Variants in ARB2A observed in about 807,000 individuals in gnomAD.
ARB2A encodes ARB2 cotranscriptional regulator A, also known as cotranscriptional regulator ARB2A.
chr5:93,999,623 C>T, the ARB2A span, among the ~76,000 whole-genome samples: 1 of 151,938 alleles, frequency 6.6e-6, no homozygotes, highest in African/African-American at 2.4e-5. Context: ...TCAACAGCCT[C>T]CTCCAGAGTG....
the ARB2A span, among the ~76,000 whole-genome samples, chr5:93,801,714 T>C: frequency 2.0e-5 from 3 of 152,012 alleles, no homozygotes; most frequent in Admixed American, 1.3e-4. Flanking sequence ...ATGTCTTTAA[T>C]GTTTCAGGCA....
chr5:93,958,038 A>G, the ARB2A span, among the ~76,000 whole-genome samples: 9 of 152,160 alleles, frequency 5.9e-5, no homozygotes, highest in South Asian at 1.9e-3. Flanking sequence ...TCACTATGGA[A>G]CTTATGAATG....
chr5:93,637,896 G>C, the ARB2A span, among the ~76,000 whole-genome samples: 1 of 152,152 alleles, frequency 6.6e-6, no homozygotes, highest in African/African-American at 2.4e-5. Flanking sequence ...GGACTGTATT[G>C]CATCAGCTTG....
At chr5:93,776,350 A>G in the ARB2A span, 1 of 744,884 alleles carries the variant, frequency 1.3e-6, no homozygotes, top group Non-Finnish European at 2.1e-6. Context: ...AGTGTATTCA[A>G]TTTATTTTCC....
the ARB2A span, chr5:93,805,860 T>C: frequency 1.0e-6 from 1 of 985,162 alleles, no homozygotes; most frequent in Non-Finnish European, 1.2e-6. Flanking sequence ...CAATGGTTCT[T>C]CCACATAGCT....
At chr5:94,051,408 G>A in the ARB2A span, among the ~76,000 whole-genome samples, 3 of 152,216 alleles carry the variant, frequency 2.0e-5, no homozygotes, top group Non-Finnish European at 4.4e-5. Context: ...CCAGAGAGAA[G>A]CAGTGAGCTA....
At chr5:94,109,192 G>C in the ARB2A span, among the ~76,000 whole-genome samples, 2,298 of 152,260 alleles carry the variant, frequency 0.015, 57 homozygotes, top group African/African-American at 0.052. Flanking sequence ...AGGTCAAATA[G>C]TGCATGATTC....
At chr5:93,842,037 G>A in the ARB2A span, among the ~76,000 whole-genome samples, 1 of 152,090 alleles carries the variant, frequency 6.6e-6, no homozygotes, top group African/African-American at 2.4e-5. Context: ...ATACAGCTAA[G>A]AGAAAGAAGC....
the ARB2A span, among the ~76,000 whole-genome samples, chr5:93,872,752 C>A: frequency 6.6e-6 from 1 of 151,806 alleles, no homozygotes; most frequent in African/African-American, 2.4e-5. Context: ...CCCGTCTCTA[C>A]TAAAAATACA....
chr5:93,910,721 T>C, the ARB2A span: 1 of 151,430 alleles, frequency 6.6e-6, no homozygotes, highest in African/African-American at 2.4e-5. Flanking sequence ...GCAATCATAA[T>C]TGTCAAGGCA....
chr5:93,640,493 A>G, the ARB2A span, among the ~76,000 whole-genome samples: 12 of 151,926 alleles, frequency 7.9e-5, no homozygotes, highest in African/African-American at 2.9e-4. Context: ...TTATGGATAC[A>G]TGGATACTGA....
the ARB2A span, among the ~76,000 whole-genome samples, chr5:93,639,798 G>A: frequency 6.6e-6 from 1 of 152,114 alleles, no homozygotes; most frequent in Non-Finnish European, 1.5e-5. Context: ...TGTAATCCCA[G>A]CACTTTGGGA....
chr5:93,982,012 A>G, the ARB2A span, among the ~76,000 whole-genome samples: 1 of 152,130 alleles, frequency 6.6e-6, no homozygotes, highest in East Asian at 1.9e-4. Context: ...TTACCTAGTC[A>G]CTTCACATTG....
chr5:94,042,506 C>T, the ARB2A span, among the ~76,000 whole-genome samples: 56 of 151,892 alleles, frequency 3.7e-4, 1 homozygote, highest in African/African-American at 1.4e-3. Context: ...GGGTTTTCAC[C>T]GTGTTAGCCA....
chr5:93,812,265 T>A, the ARB2A span, among the ~76,000 whole-genome samples: 4 of 152,104 alleles, frequency 2.6e-5, no homozygotes, highest in Non-Finnish European at 5.9e-5. Context: ...AAACTTTCAT[T>A]ACACTATCAA....
At chr5:93,824,160 A>C in the ARB2A span, 2 of 1,587,444 alleles carry the variant, frequency 1.3e-6, no homozygotes, top group Non-Finnish European at 1.7e-6. Flanking sequence ...GTTCAACAAA[A>C]GCAAGTCCTC....
chr5:93,841,171 A>G, the ARB2A span, among the ~76,000 whole-genome samples: 2 of 152,298 alleles, frequency 1.3e-5, no homozygotes, highest in East Asian at 3.9e-4. Flanking sequence ...ACATACTGTG[A>G]CATGTACTGA....
the ARB2A span, among the ~76,000 whole-genome samples, chr5:93,986,331 G>A: frequency 7.9e-4 from 120 of 151,090 alleles, no homozygotes; most frequent in African/African-American, 2.5e-3. Context: ...GGTGGGGGGC[G>A]CCCCCGCCCG....
At chr5:94,047,860 T>C in the ARB2A span, among the ~76,000 whole-genome samples, 76 of 152,256 alleles carry the variant, frequency 5.0e-4, no homozygotes, top group African/African-American at 1.7e-3. Flanking sequence ...GGACAAGGTA[T>C]ATTTGAAGAC....
Sources: gnomAD v4.1 joint callset for allele counts (sites outside exome capture counted in the v4.1 genomes callset) on GRCh38, gnomAD v4.1.1 for gene constraint, MANE v1.5 for transcripts, NCBI Gene and HGNC (gene_info 2026-07-23, HGNC 2026-07-21) for gene names.